The following NEK1 variants were observed in gnomAD, a reference collection of about 807,000 sequenced individuals.
The protein encoded by NEK1 is NIMA related kinase 1, also known as serine/threonine-protein kinase Nek1.
In NEK1, 137 loss-of-function variants were observed where a neutral mutation model predicts 182.1. The ratio of observed to expected loss-of-function variants is 0.75; its 90% CI spans 0.65 to 0.87. NEK1 has a LOEUF of 0.87. Among genes scored for constraint, NEK1 ranks in the 40% least tolerant of loss-of-function variants. NEK1 has a pLI of 0.00. For synonymous variants in NEK1, 513 were observed against 492.2 expected (o/e 1.04, Z -0.56); for missense variants, 1,391 against 1,494.4 (o/e 0.93, Z 1.14).
chr4:169,411,460 G>C lies in NEK1; in HGVS notation c.3223-4713C>G, dbSNP rs923805723. Among the ~76,000 whole-genome samples, 9 of 152,064 alleles carry C rather than the reference G, an allele frequency of 5.9e-5. No individual in the cohort carries two copies. In the South Asian group the frequency reaches 6.2e-4, roughly 11 times the overall value. On this transcript the variant is annotated intron_variant, in intron 31 of 35. Coordinates refer to ENST00000507142, the MANE Select transcript of NEK1 (RefSeq NM_001199397.3). The stretch of plus-strand genomic sequence containing the variant: ...TCGGGCCTCAGCCTCCAGAGTAGCT[G>C]GGATTACAGGCATGTGCCGCCACAC...
intron 19 of NEK1, among the ~76,000 whole-genome samples, chr4:169,536,104 G>A (rs1758454380): frequency 6.6e-6 from 1 of 151,774 alleles, no homozygotes; most frequent in Admixed American, 6.6e-5. Context: ...AGACCAGCCT[G>A]GCCAACATGG....
intron 19 of NEK1, among the ~76,000 whole-genome samples, chr4:169,532,311 C>T (rs902118983): frequency 3.0e-4 from 46 of 152,058 alleles, no homozygotes; most frequent in African/African-American, 1.0e-3. Context: ...TGTTCTAACA[C>T]GAAGTATGTT....
Position 169,561,524 on chromosome 4 carries a change from C to T in NEK1, c.1222G>A (p.Gly408Arg), listed in dbSNP as rs186982468. 3.7e-6 allele frequency: 6 copies of T among 1,613,584 alleles called. No homozygotes were observed. The East Asian group carries it at 6.7e-5, about 18-fold the overall frequency. The change falls in exon 16 of 36, where the codon GGA (glycine) becomes AGA (arginine). Residue 408 changes from glycine (G) to arginine (R), a missense_variant. By Grantham distance (125) the Gly-to-Arg change is moderately radical. This residue lies in a region of NEK1 where 1,216 missense variants were observed against 1,277.6 expected (regional missense o/e 0.95). Transcript: ENST00000507142. Reference protein sequence around the residue: ...LERINRAREQGWRNVLSAGGS... With the variant: ...LERINRAREQRWRNVLSAGGS... ...CCAGCACTTAGCACATTTCTCCATCCTTGTTCCCTGGCCCTATTTATTCTT... is the reference window on the plus strand; with the variant it reads ...CCAGCACTTAGCACATTTCTCCATCTTTGTTCCCTGGCCCTATTTATTCTT...
intron 18 of NEK1, among the ~76,000 whole-genome samples, chr4:169,539,437 A>G (rs1430101644): frequency 6.6e-6 from 1 of 152,200 alleles, no homozygotes; most frequent in Non-Finnish European, 1.5e-5. Flanking sequence ...TTAATAAGGT[A>G]TATCTGGTCA....
chr4:169,458,503 G>A (rs1307225520), intron 27 of NEK1, among the ~76,000 whole-genome samples: 1 of 152,076 alleles, frequency 6.6e-6, no homozygotes, highest in East Asian at 1.9e-4. Context: ...TGAAGCGGAT[G>A]GTTCACTTGA....
chr4:169,485,427 T>A (rs1748862580), intron 23 of NEK1, among the ~76,000 whole-genome samples: 1 of 152,206 alleles, frequency 6.6e-6, no homozygotes, highest in Non-Finnish European at 1.5e-5. Flanking sequence ...TTGGGCCTTC[T>A]GTATAAATAT....
At chr4:169,399,118 A>G (rs1187789593) in intron 35 of NEK1, among the ~76,000 whole-genome samples, 1 of 151,620 alleles carries the variant, frequency 6.6e-6, no homozygotes, top group Non-Finnish European at 1.5e-5. Flanking sequence ...GCATGGTAGC[A>G]CCTGTAGGCC....
chr4:169,444,811 A>G (rs1740191817), intron 27 of NEK1, among the ~76,000 whole-genome samples: 1 of 152,202 alleles, frequency 6.6e-6, no homozygotes, highest in African/African-American at 2.4e-5. Flanking sequence ...TCTTCTCATC[A>G]GCACATGCAA....
chr4:169,571,626 A>C (rs974234281), intron 12 of NEK1, among the ~76,000 whole-genome samples: 1 of 152,214 alleles, frequency 6.6e-6, no homozygotes, highest in African/African-American at 2.4e-5. Flanking sequence ...TAAGGACAAC[A>C]GGTTTGGCAA....
At chr4:169,528,220 C>T (rs1757173083) in intron 19 of NEK1, among the ~76,000 whole-genome samples, 1 of 152,104 alleles carries the variant, frequency 6.6e-6, no homozygotes, top group Non-Finnish European at 1.5e-5. Context: ...GATGTCACTC[C>T]TGTAATTGTC....
intron 6 of NEK1, 67 bp downstream of exon 6, chr4:169,590,659 T>C: frequency 8.8e-7 from 1 of 1,134,440 alleles, no homozygotes; most frequent in Non-Finnish European, 1.3e-6. Context: ...CAAAAATTTT[T>C]GGCCCAAAAC....
intron 26 of NEK1, among the ~76,000 whole-genome samples, chr4:169,467,745 A>G (rs1745196761): frequency 1.3e-5 from 2 of 152,066 alleles, no homozygotes. Context: ...TGATCTAAAC[A>G]TACCAGTTAA....
chr4:169,510,520 CTTCTT>C (rs1360446348), intron 19 of NEK1, among the ~76,000 whole-genome samples: 6 of 152,130 alleles, frequency 3.9e-5, no homozygotes, highest in East Asian at 1.9e-4. Context: ...CTCAGCCTCT[CTTCTT>C]TTGACTCTTA....
At position 169,500,150 on chromosome 4, in the gene NEK1, T is replaced by G. The variant is rs372185278; in HGVS notation, c.2007+6887A>C. Reference sequence around the variant, plus strand: ...GCCGCCTTGCAGTTTGATCTCAGACTGCTGTGCTAGCAATGAGCGAGGCTC... The same window carrying G: ...GCCGCCTTGCAGTTTGATCTCAGACGGCTGTGCTAGCAATGAGCGAGGCTC... On this transcript the variant is annotated intron_variant, in intron 23 of 35. Coordinates refer to ENST00000507142, the MANE Select transcript of NEK1 (RefSeq NM_001199397.3). Among the ~76,000 whole-genome samples the G allele has an allele frequency of 1.9e-4, 29 of 152,356 alleles. 1 individual carries two copies. The East Asian group carries it at 5.6e-3, about 29-fold the overall frequency.
chr4:169,427,675 C>T (rs1351007743), intron 29 of NEK1, among the ~76,000 whole-genome samples: 1 of 150,652 alleles, frequency 6.6e-6, no homozygotes, highest in Non-Finnish European at 1.5e-5. Context: ...TTGTATTTTT[C>T]AGTAGAGATG....
At chr4:169,493,235 C>A (rs1457022634) in intron 23 of NEK1, among the ~76,000 whole-genome samples, 1 of 152,082 alleles carries the variant, frequency 6.6e-6, no homozygotes, top group African/African-American at 2.4e-5. Context: ...AGAAAAGAAG[C>A]CAATCGAGCA....
At chr4:169,494,407 C>T (rs1050396319) in intron 23 of NEK1, among the ~76,000 whole-genome samples, 11 of 151,984 alleles carry the variant, frequency 7.2e-5, no homozygotes, top group Non-Finnish European at 1.3e-4. Context: ...TTCATCCATG[C>T]CCCTACAAAG....
intron 30 of NEK1, 79 bp from the exon 31 acceptor site, chr4:169,424,879 G>A (rs1207037078): frequency 7.2e-6 from 10 of 1,390,608 alleles, no homozygotes; most frequent in African/African-American, 1.4e-5. Flanking sequence ...GGCACAGTAT[G>A]TAACACAAAT....
At chr4:169,571,829 A>C (rs1285722740) in intron 12 of NEK1, among the ~76,000 whole-genome samples, 2 of 151,910 alleles carry the variant, frequency 1.3e-5, no homozygotes, top group Non-Finnish European at 2.9e-5. Context: ...CTCAGGTTCA[A>C]GCAATTCTCC....
Sources: allele counts gnomAD v4.1 joint callset (sites outside exome capture counted in the v4.1 genomes callset), GRCh38; gene constraint gnomAD v4.1.1; regional missense constraint gnomAD v4.1.1; transcripts MANE v1.5; gene names NCBI Gene and HGNC (gene_info 2026-07-23, HGNC 2026-07-21).